Variants in DEAF1 observed in about 807,000 individuals in gnomAD.
DEAF1 encodes the protein deformed epidermal autoregulatory factor 1 homolog.
Under a neutral mutation model 58.9 loss-of-function variants are expected in DEAF1, and 53 were observed. That is an observed-to-expected ratio of 0.90 (90% CI 0.72 to 1.13). The LOEUF (loss-of-function observed/expected upper bound fraction) is 1.13, where lower values mean the gene tolerates loss of function less well. Among genes scored for constraint, DEAF1 ranks in the 50% most tolerant of loss-of-function variants. The pLI, the probability that DEAF1 is intolerant of heterozygous loss-of-function variation, is 0.00. For missense variants in DEAF1, 685 were observed against 791.4 expected (o/e 0.87, Z 1.61); for synonymous variants, 385 against 340.4 (o/e 1.13, Z -1.44).
intron 11 of DEAF1, among the ~76,000 whole-genome samples, chr11:648,855 C>T (rs1440103438): frequency 6.6e-6 from 1 of 152,124 alleles, no homozygotes; most frequent in African/African-American, 2.4e-5. Context: ...CTAGAAAATA[C>T]ACATTTAACA....
intron 1 of DEAF1, 59 bp from the exon 2 acceptor site, chr11:691,657 A>G: frequency 6.7e-7 from 1 of 1,495,998 alleles, no homozygotes; most frequent in Non-Finnish European, 9.2e-7. Context: ...CAAAGCGAAC[A>G]GCCTCGCTCA....
At chr11:663,543 T>C (rs1471514304) in intron 10 of DEAF1, among the ~76,000 whole-genome samples, 1 of 152,154 alleles carries the variant, frequency 6.6e-6, no homozygotes, top group Non-Finnish European at 1.5e-5. Context: ...ACCAGGCTTT[T>C]GGCCTTTCCT....
intron 10 of DEAF1, among the ~76,000 whole-genome samples, chr11:657,293 C>T (rs1471686467): frequency 6.6e-6 from 1 of 152,144 alleles, no homozygotes; most frequent in Non-Finnish European, 1.5e-5. Context: ...GAGGCTGGAG[C>T]ACCCTGCAGT....
At position 701,339 on chromosome 11, in the gene DEAF1, C is replaced by A. The variant is rs1408737258; in HGVS notation, c.-438+5233G>T. On this transcript the variant is annotated intron_variant, in intron 1 of 11. Coordinates refer to the DEAF1 transcript ENST00000683307. ...AAGTAGCTGGGATTACAGGCACCTG[C>A]CACCACGCCCAGCTAATTTTGTTTT... Among the ~76,000 whole-genome samples the A allele has an allele frequency of 3.3e-5, 5 of 151,872 alleles. No individual in the cohort carries two copies. In the East Asian group the frequency reaches 9.6e-4, roughly 29 times the overall value.
upstream of DEAF1, chr11:695,782 G>A (rs894215855): frequency 2.4e-5 from 30 of 1,236,954 alleles, no homozygotes; most frequent in Non-Finnish European, 2.9e-5. Context: ...CGCGCGGGCC[G>A]AGAGGCTGCC....
At chr11:703,369 G>T in intron 1 of DEAF1, 1 of 1,391,180 alleles carries the variant, frequency 7.2e-7, no homozygotes, top group South Asian at 1.8e-5. Context: ...TGCGGGGAGG[G>T]TAGGGACCAG....
rs753507023 is a variant in DEAF1, at chr11:704,677, A to G, written c.-438+1895T>C. ...CCTGATACCTCCAGTCTCAGCGAGC[A>G]CACAAAGGCAGTGGTCACCTGTTCC... On this transcript the variant is annotated intron_variant, in intron 1 of 11. Transcript: ENST00000683307. 80 of 1,283,194 alleles carry G rather than the reference A, an allele frequency of 6.2e-5. 1 individual carries two copies. In the South Asian group the frequency reaches 9.5e-4, roughly 15 times the overall value. 79.5% of individuals were successfully genotyped at this position (1,283,194 alleles called of 1,614,324 possible).
chr11:657,346 A>G, intron 10 of DEAF1, among the ~76,000 whole-genome samples: 1 of 152,274 alleles, frequency 6.6e-6, no homozygotes, highest in African/African-American at 2.4e-5. Context: ...AGTCTGTTGA[A>G]AGGGGTGCAT....
chr11:658,186 T>C (rs892218555), intron 10 of DEAF1, among the ~76,000 whole-genome samples: 3 of 152,308 alleles, frequency 2.0e-5, no homozygotes, highest in Admixed American at 2.0e-4. Flanking sequence ...CCCAGCACTT[T>C]GGGAGGCTGA....
chr11:660,398 C>G (rs1315658331), intron 10 of DEAF1, among the ~76,000 whole-genome samples: 1 of 152,234 alleles, frequency 6.6e-6, no homozygotes, highest in African/African-American at 2.4e-5. Flanking sequence ...CCAGGTCAGG[C>G]AGGGTCCCCC....
At chr11:669,927 C>CAAAAA (rs59541099) in intron 10 of DEAF1, among the ~76,000 whole-genome samples, 2 of 86,906 alleles carry the variant, frequency 2.3e-5, no homozygotes, top group Non-Finnish European at 4.3e-5. Context: ...GAGACTGTCT[C>CAAAAA]AAAAAAAAAA....
chr11:644,495 C>G lies in DEAF1; in HGVS notation c.*55G>C. The G allele has an allele frequency of 2.1e-6, 3 of 1,451,856 alleles. No individual in the cohort carries two copies. Among genetic ancestry groups the G allele is most frequent in the Non-Finnish European group, 2.9e-6 (3 of 1,044,976 alleles). The allele number at this position is 1,451,856 out of a possible 1,614,324, so 89.9% of individuals were successfully genotyped here. A position where few individuals can be genotyped will look rare whatever the true frequency, so the allele number is the denominator to read the frequency against. On this transcript the variant is annotated 3_prime_UTR_variant, in exon 12 of 12. Coordinates refer to ENST00000382409, the MANE Select transcript of DEAF1 (RefSeq NM_021008.4). This position sits in a 1 kb window ranked among gnomAD's most constrained non-coding sequence, Gnocchi z 4.3. ...AGTCCTCAGGGGGGCCTTCGACCTG[C>G]AAAAGCCTCACAGGAGTGCGAGGGG...
At chr11:666,017 A>G (rs756240999) in intron 10 of DEAF1, 7 of 152,196 alleles carry the variant, frequency 4.6e-5, no homozygotes, top group Non-Finnish European at 1.0e-4. Flanking sequence ...GACCGAGAAC[A>G]CTGAGCAGAG....
At chr11:661,601 T>C (rs1405062853) in intron 10 of DEAF1, among the ~76,000 whole-genome samples, 1 of 152,050 alleles carries the variant, frequency 6.6e-6, no homozygotes, top group South Asian at 2.1e-4. Context: ...CCCCAGCTAC[T>C]CGGGAGGCTG....
intron 10 of DEAF1, among the ~76,000 whole-genome samples, chr11:662,992 T>A (rs191482021): frequency 6.6e-6 from 1 of 152,310 alleles, no homozygotes; most frequent in Non-Finnish European, 1.5e-5. Context: ...CCTGATGCTC[T>A]GAAAGGGATG....
rs533959604 is a variant in DEAF1, at chr11:700,910, G to T, written c.-438+5662C>A. 2.3e-5 allele frequency: 14 copies of T among 611,008 alleles called. 2 individuals carry two copies. Among genetic ancestry groups the T allele is most frequent in the Middle Eastern group, 4.4e-4 (1 of 2,276 alleles). The allele number at this position is 611,008 out of a possible 1,614,324, so 37.8% of individuals were successfully genotyped here. On this transcript the variant is annotated intron_variant, in intron 1 of 11. Transcript: ENST00000683307. ...TTGTCCCAGAGACAAATAACACTGG[G>T]GGCATCGTTGGGAGAGACTCTGTGT...
intron 11 of DEAF1, among the ~76,000 whole-genome samples, chr11:647,175 G>C (rs1434358967): frequency 1.3e-5 from 2 of 151,708 alleles, no homozygotes; most frequent in East Asian, 3.9e-4. Context: ...CCTAAAATAG[G>C]CTGGGTACGG....
intron 10 of DEAF1, among the ~76,000 whole-genome samples, chr11:669,724 G>A (rs1859722054): frequency 6.6e-6 from 1 of 151,636 alleles, no homozygotes; most frequent in Admixed American, 6.6e-5. Context: ...GAGGTCAGGA[G>A]TTCAAGACCA....
intron 2 of DEAF1, among the ~76,000 whole-genome samples, chr11:690,361 GA>G (rs1860784964): frequency 1.2e-5 from 1 of 86,090 alleles, no homozygotes; most frequent in Non-Finnish European, 2.3e-5. Flanking sequence ...GAGGGCAGGG[GA>G]GGGGAGGGCA....
Sources: allele counts gnomAD v4.1 joint callset (sites outside exome capture counted in the v4.1 genomes callset), GRCh38; gene constraint gnomAD v4.1.1; non-coding constraint Gnocchi (gnomAD v3.1); transcripts MANE v1.5; gene names NCBI Gene and HGNC (gene_info 2026-07-23, HGNC 2026-07-21).